Variants in SLC12A3 observed in about 807,000 individuals in gnomAD.
SLC12A3 encodes the protein solute carrier family 12 member 3, also known as Na-Cl cotransporter.
In SLC12A3, 104 loss-of-function variants were observed where a neutral mutation model predicts 121.0. That is an observed-to-expected ratio of 0.86 (90% CI 0.73 to 1.01). The LOEUF (loss-of-function observed/expected upper bound fraction) is 1.01, where lower values mean the gene tolerates loss of function less well. SLC12A3 is among the 50% of genes least tolerant of loss of function. The pLI is 0.00. For synonymous variants in SLC12A3, 536 were observed against 533.4 expected, an observed-to-expected ratio of 1.00 and a Z score of -0.07; for missense variants, 1,328 against 1,356.3, an observed-to-expected ratio of 0.98 and a Z score of 0.33.
chr16:56,912,843 C>A (rs1325765105), intron 25 of SLC12A3, among the ~76,000 whole-genome samples: 1 of 151,994 alleles, frequency 6.6e-6, no homozygotes, highest in Non-Finnish European at 1.5e-5. Context: ...GGTGCACTTG[C>A]CTGACTCAAA....
At chr16:56,880,048 C>T (rs1009614571) in intron 11 of SLC12A3, 82 bp from the exon 12 acceptor site, 27 of 1,565,102 alleles carry the variant, frequency 1.7e-5, no homozygotes, top group Middle Eastern at 1.7e-4. Context: ...GGCACCGAGC[C>T]GGGGCTGGAG....
At chr16:56,878,229 C>T in intron 9 of SLC12A3, 68 bp downstream of exon 9, 1 of 1,199,852 alleles carries the variant, frequency 8.3e-7, no homozygotes. Context: ...GTCCCAAAAC[C>T]CTGACCACTG....
chr16:56,884,326 T>C (rs1050414130), intron 14 of SLC12A3, 122 bp downstream of exon 14: 1 of 998,214 alleles, frequency 1.0e-6, no homozygotes, highest in African/African-American at 1.6e-5. Flanking sequence ...GGCCCCTCTC[T>C]GCCCCTCCCC....
intron 23 of SLC12A3, among the ~76,000 whole-genome samples, chr16:56,901,546 G>A (rs1326490993): frequency 6.6e-6 from 1 of 152,060 alleles, no homozygotes; most frequent in East Asian, 1.9e-4. Flanking sequence ...CGTCAGGTTG[G>A]CCAGGCTGGT....
At chr16:56,872,095 G>A (rs573187252) in intron 6 of SLC12A3, among the ~76,000 whole-genome samples, 175 of 152,188 alleles carry the variant, frequency 1.1e-3, no homozygotes, top group African/African-American at 3.8e-3. Context: ...CAGGTGATCC[G>A]CCCACCTCGG....
chr16:56,911,868 C>G (rs2055690785), intron 25 of SLC12A3, among the ~76,000 whole-genome samples: 1 of 152,252 alleles, frequency 6.6e-6, no homozygotes, highest in African/African-American at 2.4e-5. Context: ...GCTGACCTTA[C>G]AGAGCACTCA....
intron 22 of SLC12A3, among the ~76,000 whole-genome samples, chr16:56,896,753 T>A (rs8047432): frequency 0.22 from 33,540 of 152,068 alleles, 3,931 homozygotes; most frequent in African/African-American, 0.31. Flanking sequence ...CTCTATTTTT[T>A]AAATAATAAT....
chr16:56,888,718 C>G (rs1463369697), intron 18 of SLC12A3, among the ~76,000 whole-genome samples: 1 of 151,798 alleles, frequency 6.6e-6, no homozygotes, highest in Non-Finnish European at 1.5e-5. Flanking sequence ...GCCACCACGC[C>G]CGGCTAATTT....
rs1420964509 is a variant in SLC12A3, at chr16:56,887,962, T to C, written c.2216T>C (p.Val739Ala). 2 of 1,612,350 alleles carry C rather than the reference T, an allele frequency of 1.2e-6. No homozygotes were observed. The highest frequency in any genetic ancestry group is 2.2e-5 in the South Asian group (2 of 91,014). ...GLGRMKPNILVVGFKKNWQSA... is the reference protein window; with the variant it reads ...GLGRMKPNILAVGFKKNWQSA... ...GGGAGAATGAAGCCCAACATTCTGG[T>C]GGTTGGGTTCAAGAAGAACTGGCAG... The change falls in exon 18 of 26, where the codon GTG (valine) becomes GCG (alanine). Residue 739 changes from valine to alanine, a missense_variant. Physicochemically the swap from Val to Ala is moderately conservative, Grantham distance 64. Transcript: ENST00000563236.
At chr16:56,907,348 C>T (rs930921488) in intron 25 of SLC12A3, among the ~76,000 whole-genome samples, 1 of 151,828 alleles carries the variant, frequency 6.6e-6, no homozygotes, top group Non-Finnish European at 1.5e-5. Flanking sequence ...ATCCCAGCTA[C>T]TTGGGAGGCT....
chr16:56,879,481 A>G, intron 10 of SLC12A3, 61 bp from the exon 11 acceptor site: 2 of 1,403,628 alleles, frequency 1.4e-6, no homozygotes, highest in Non-Finnish European at 2.0e-6. Context: ...ATGAAGTGCC[A>G]CAGATGGGGG....
intron 12 of SLC12A3, 83 bp downstream of exon 12, chr16:56,880,336 C>G: frequency 6.7e-7 from 1 of 1,495,726 alleles, no homozygotes; most frequent in Admixed American, 2.0e-5. Context: ...GGCTCTTCTC[C>G]TGTCTCCTCA....
chr16:56,876,773 G>T (rs186188667), intron 8 of SLC12A3, among the ~76,000 whole-genome samples: 4 of 152,154 alleles, frequency 2.6e-5, no homozygotes, highest in Non-Finnish European at 4.4e-5. Context: ...AGGGAAGGCT[G>T]GGGGGGTTTA....
At chr16:56,901,202 C>A (rs2055533125) in intron 23 of SLC12A3, among the ~76,000 whole-genome samples, 1 of 152,194 alleles carries the variant, frequency 6.6e-6, no homozygotes, top group Admixed American at 6.5e-5. Context: ...CATCCTTGAC[C>A]TCACTCGCCC....
intron 21 of SLC12A3, among the ~76,000 whole-genome samples, chr16:56,893,979 A>T (rs980311548): frequency 1.8e-4 from 16 of 90,440 alleles, no homozygotes; most frequent in African/African-American, 1.5e-3. Flanking sequence ...TATTTTATTT[A>T]TTTATTTATT....
intron 18 of SLC12A3, among the ~76,000 whole-genome samples, chr16:56,888,811 G>T (rs2055353343): frequency 6.6e-6 from 1 of 152,178 alleles, no homozygotes; most frequent in East Asian, 1.9e-4. Context: ...GCCCACCTCG[G>T]CCTCCCAAAG....
intron 23 of SLC12A3, among the ~76,000 whole-genome samples, chr16:56,899,866 G>A (rs2055515091): frequency 6.6e-6 from 1 of 152,240 alleles, no homozygotes; most frequent in Admixed American, 6.5e-5. Flanking sequence ...GGTGCTGGGA[G>A]AGGGGAAAAG....
At chr16:56,907,875 A>C (rs567970214) in intron 25 of SLC12A3, among the ~76,000 whole-genome samples, 6 of 152,238 alleles carry the variant, frequency 3.9e-5, no homozygotes, top group Non-Finnish European at 8.8e-5. Flanking sequence ...AGACTGTAGC[A>C]AATGGTTCTG....
At chr16:56,880,022 T>A (rs1368328142) in intron 11 of SLC12A3, 108 bp from the exon 12 acceptor site, 1 of 1,382,504 alleles carries the variant, frequency 7.2e-7, no homozygotes, top group Admixed American at 2.0e-5. Context: ...GGACCCAGGT[T>A]GGGGAGGTCA....
Sources: gnomAD v4.1 joint callset for allele counts (sites outside exome capture counted in the v4.1 genomes callset) on GRCh38, gnomAD v4.1.1 for gene constraint, MANE v1.5 for transcripts, NCBI Gene and HGNC (gene_info 2026-07-23, HGNC 2026-07-21) for gene names.